The following PKIB variants were observed in gnomAD, a reference collection of about 807,000 sequenced individuals.
PKIB encodes PKI-beta.
PKIB carries 2 observed loss-of-function variants against 4.5 expected under a neutral mutation model. The observed-to-expected ratio is 0.44, with a 90% confidence interval of 0.18 to 1.39. The LOEUF (loss-of-function observed/expected upper bound fraction) is 1.39. Ranked by LOEUF, PKIB falls within the 40% of genes most tolerant of loss-of-function variation. The pLI, the probability that PKIB is intolerant of heterozygous loss-of-function variation, is 0.27. For missense variants in PKIB, 94 were observed against 92.6 expected (o/e 1.02, Z -0.06); for synonymous variants, 38 against 36.0 (o/e 1.06, Z -0.20).
At chr6:122,696,310 A>G (rs1778567191) in intron 3 of PKIB, among the ~76,000 whole-genome samples, 1 of 152,202 alleles carries the variant, frequency 6.6e-6, no homozygotes, top group African/African-American at 2.4e-5. Flanking sequence ...GAAATGAGTC[A>G]TTGACTAGCT....
Position 122,542,986 on chromosome 6 carries a change from C to G in PKIB, c.-247-42935C>G, listed in dbSNP as rs112816575. 4.7e-3 allele frequency among the ~76,000 whole-genome samples: 714 copies of G among 151,828 alleles called. 8 individuals are homozygous for G. The highest frequency in any genetic ancestry group is 6.8e-3 in the Middle Eastern group (2 of 294). Reference sequence around the variant, plus strand: ...CTCAGACTGCTGTGCTAGCAATCAGCGAGACTCCATGGGCATACGACCCTC... The same window carrying G: ...CTCAGACTGCTGTGCTAGCAATCAGGGAGACTCCATGGGCATACGACCCTC... On this transcript the variant is annotated intron_variant, in intron 2 of 6. Coordinates refer to the PKIB transcript ENST00000392491.
chr6:122,584,122 G>A (rs540700591), intron 2 of PKIB, among the ~76,000 whole-genome samples: 18 of 152,184 alleles, frequency 1.2e-4, no homozygotes, highest in African/African-American at 4.3e-4. Context: ...GGTTGACAGT[G>A]TGAAAAAACT....
intron 2 of PKIB, among the ~76,000 whole-genome samples, chr6:122,529,142 TTCTC>T (rs1404345457): frequency 6.6e-6 from 1 of 152,190 alleles, no homozygotes; most frequent in Non-Finnish European, 1.5e-5. Flanking sequence ...TGTTTCTCCT[TTCTC>T]TCTGCTTTTG....
chr6:122,527,167 T>C (rs1426327599), intron 2 of PKIB, among the ~76,000 whole-genome samples: 5 of 152,176 alleles, frequency 3.3e-5, no homozygotes, highest in Non-Finnish European at 5.9e-5. Context: ...GATCTTGCTC[T>C]TGATTAGCTT....
chr6:122,574,349 C>T (rs1195880569), intron 2 of PKIB, among the ~76,000 whole-genome samples: 1 of 152,112 alleles, frequency 6.6e-6, no homozygotes, highest in Non-Finnish European at 1.5e-5. Context: ...AATAAATCTA[C>T]AGATTCAATG....
intron 3 of PKIB, among the ~76,000 whole-genome samples, chr6:122,678,757 A>G (rs1353111117): frequency 2.0e-5 from 3 of 152,232 alleles, no homozygotes; most frequent in Non-Finnish European, 4.4e-5. Flanking sequence ...CACAGAAGCC[A>G]TGACTTCCAC....
chr6:122,670,255 A>G (rs924266303), intron 2 of PKIB, among the ~76,000 whole-genome samples: 3 of 152,106 alleles, frequency 2.0e-5, no homozygotes, highest in African/African-American at 7.2e-5. Context: ...AAGCTTGGTA[A>G]TACTATCTGT....
At chr6:122,511,153 G>A (rs1052339915) in intron 2 of PKIB, among the ~76,000 whole-genome samples, 2 of 152,142 alleles carry the variant, frequency 1.3e-5, no homozygotes, top group African/African-American at 4.8e-5. Flanking sequence ...ATGCAGCAAT[G>A]ACCAAACTGA....
rs536295066 is a variant in PKIB at position 122,545,038 on chromosome 6, G to A, written c.-247-40883G>A. On this transcript the variant is annotated intron_variant, in intron 2 of 6. Coordinates refer to the PKIB transcript ENST00000392491. Reference sequence around the variant, plus strand: ...AAAACAGAATACTTATATACTGCTCGTGGGAATGTAAATTTGTCCAGCCAC... The same window carrying A: ...AAAACAGAATACTTATATACTGCTCATGGGAATGTAAATTTGTCCAGCCAC... Among the ~76,000 whole-genome samples, 8 of 152,150 alleles carry A rather than the reference G, an allele frequency of 5.3e-5. No individual in the cohort carries two copies. The East Asian group carries it at 7.7e-4, about 15-fold the overall frequency.
chr6:122,662,487 T>C (rs1777048030), intron 2 of PKIB, among the ~76,000 whole-genome samples: 1 of 151,574 alleles, frequency 6.6e-6, no homozygotes, highest in African/African-American at 2.4e-5. Flanking sequence ...AGCTATTTTT[T>C]TTTTGTATTT....
chr6:122,532,280 A>G (rs1307990477), intron 2 of PKIB, among the ~76,000 whole-genome samples: 1 of 152,210 alleles, frequency 6.6e-6, no homozygotes, highest in Non-Finnish European at 1.5e-5. Context: ...ATCTTTCAGC[A>G]AATTAGTTCT....
chr6:122,491,266 G>C (rs180794434), intron 2 of PKIB, among the ~76,000 whole-genome samples: 2 of 152,070 alleles, frequency 1.3e-5, no homozygotes, highest in African/African-American at 4.8e-5. Context: ...GGAGTTATAC[G>C]CATGCTCACT....
At chr6:122,492,178 T>G (rs1775955569) in intron 2 of PKIB, among the ~76,000 whole-genome samples, 1 of 152,150 alleles carries the variant, frequency 6.6e-6, no homozygotes, top group African/African-American at 2.4e-5. Flanking sequence ...ATACTGATTT[T>G]AGAGAGAGAA....
chr6:122,490,322 A>C (rs1775902868), intron 2 of PKIB, among the ~76,000 whole-genome samples: 1 of 152,180 alleles, frequency 6.6e-6, no homozygotes, highest in South Asian at 2.1e-4. Flanking sequence ...GTTTAGCGTG[A>C]GGATGTTTAT....
chr6:122,537,965 A>G (rs1777459363), intron 2 of PKIB, among the ~76,000 whole-genome samples: 1 of 152,028 alleles, frequency 6.6e-6, no homozygotes, highest in South Asian at 2.1e-4. Context: ...TTTTGGCTGC[A>G]TAAATATCTT....
upstream of PKIB, among the ~76,000 whole-genome samples, chr6:122,609,713 C>A (rs1482869420): frequency 6.6e-6 from 1 of 152,168 alleles, no homozygotes; most frequent in East Asian, 1.9e-4. Context: ...GCAGTATCGT[C>A]GTCCATGTAA....
At position 122,725,178 on chromosome 6, in the gene PKIB, CAAAAT is replaced by C. The variant is rs1164852505; in HGVS notation, c.221_225del (p.Gln74ArgfsTer27). ...AACACAAGACCAATTGGAAAAGCCT[CAAAAT>C]GAAGAAAAATGAAGGCTCATAATCT... is the stretch of plus-strand genomic sequence containing the variant. On this transcript the variant is annotated frameshift_variant, in exon 5 of 5. Transcript: ENST00000368452. LOFTEE classifies it high-confidence loss of function. The C allele has an allele frequency of 6.2e-7, 1 of 1,610,836 alleles. No individual in the cohort carries two copies. The highest frequency in any genetic ancestry group is 8.5e-7 in the Non-Finnish European group (1 of 1,178,800).
intron 2 of PKIB, among the ~76,000 whole-genome samples, chr6:122,530,816 A>G (rs888437823): frequency 2.6e-5 from 4 of 152,218 alleles, no homozygotes; most frequent in East Asian, 1.9e-4. Flanking sequence ...AAAAGCCCCA[A>G]TATGGGAGAG....
At chr6:122,614,706 AATTTT>A (rs1030673500) in intron 1 of PKIB, among the ~76,000 whole-genome samples, 16 of 152,266 alleles carry the variant, frequency 1.1e-4, no homozygotes, top group African/African-American at 3.9e-4. Context: ...ATCTAGATTA[AATTTT>A]ATGGATTGAG....
Sources: gnomAD v4.1 joint callset for allele counts (sites outside exome capture counted in the v4.1 genomes callset) on GRCh38, gnomAD v4.1.1 for gene constraint, MANE v1.5 for transcripts, NCBI Gene and HGNC (gene_info 2026-07-23, HGNC 2026-07-21) for gene names.